Variants in XXYLT1 observed in about 807,000 individuals in gnomAD.
The protein encoded by XXYLT1 is xyloside xylosyltransferase 1.
In XXYLT1, 20 loss-of-function variants were observed where a neutral mutation model predicts 28.9. The observed-to-expected ratio is 0.69, with a 90% CI of 0.49 to 1.00. The LOEUF (loss-of-function observed/expected upper bound fraction) is 1.00. Ranked by LOEUF, XXYLT1 falls within the 50% of genes least tolerant of loss-of-function variation. XXYLT1 has a pLI of 0.00. For synonymous variants in XXYLT1, 257 were observed against 253.8 expected, an observed-to-expected ratio of 1.01 and a Z score of -0.12; for missense variants, 542 against 560.1, an observed-to-expected ratio of 0.97 and a Z score of 0.33.
At chr3:195,234,019 C>G (rs939497722) in intron 1 of XXYLT1, among the ~76,000 whole-genome samples, 1 of 151,936 alleles carries the variant, frequency 6.6e-6, no homozygotes, top group African/African-American at 2.4e-5. Context: ...CAGGTTCATG[C>G]CATTCTCCTG....
In XXYLT1 at chr3:195,217,846, G is replaced by A. The variant is rs1298117283; in HGVS notation, c.652+8863C>T. Among the ~76,000 whole-genome samples, 6 of 143,566 alleles carry A rather than the reference G, an allele frequency of 4.2e-5. No individual in the cohort carries two copies. The East Asian group carries it at 6.2e-4, about 15-fold the overall frequency. 94.2% of individuals were successfully genotyped at this position (143,566 alleles called of 152,430 possible). A position where few individuals can be genotyped will look rare whatever the true frequency, so the allele number is the denominator to read the frequency against. On this transcript the variant is annotated intron_variant, in intron 2 of 3. Coordinates refer to ENST00000310380, the MANE Select transcript of XXYLT1 (RefSeq NM_152531.5). ...TTCATATGGAACCAAAAAAGAGCCC[G>A]CATCGCCAAGTCAATCCTAAGCCAA...
At chr3:195,181,065 C>T (rs979783895) in intron 2 of XXYLT1, among the ~76,000 whole-genome samples, 1 of 152,256 alleles carries the variant, frequency 6.6e-6, no homozygotes, top group Non-Finnish European at 1.5e-5. Flanking sequence ...GGCCCACCTG[C>T]GGCCAGGTGT....
intron 3 of XXYLT1, among the ~76,000 whole-genome samples, chr3:195,146,298 A>G (rs1462302173): frequency 6.6e-6 from 1 of 152,230 alleles, no homozygotes; most frequent in African/African-American, 2.4e-5. Flanking sequence ...TTTCCCCAGG[A>G]AGATGCTTAC....
At chr3:195,073,543 G>T (rs1054427136) in intron 3 of XXYLT1, among the ~76,000 whole-genome samples, 3 of 151,974 alleles carry the variant, frequency 2.0e-5, no homozygotes, top group Admixed American at 6.5e-5. Flanking sequence ...CTAACCGTCC[G>T]GCCTGTGGAG....
chr3:195,158,256 C>A (rs962460345), intron 2 of XXYLT1, among the ~76,000 whole-genome samples: 1 of 152,176 alleles, frequency 6.6e-6, no homozygotes, highest in African/African-American at 2.4e-5. Context: ...TGGCTTCCTG[C>A]TCTGTGCTCC....
Position 195,143,264 on chromosome 3 carries a change from G to A in XXYLT1, c.785+13185C>T, listed in dbSNP as rs544278270. ...CAAGAGCAGCCAACCAAAGCCTTGC[G>A]GGGTGCAGCCCACGGTGGGAGCATT... On this transcript the variant is annotated intron_variant, in intron 3 of 3. Coordinates refer to ENST00000310380, the MANE Select transcript of XXYLT1 (RefSeq NM_152531.5). 1.4e-3 allele frequency among the ~76,000 whole-genome samples: 209 copies of A among 152,272 alleles called. 1 individual carries two copies. The highest frequency in any genetic ancestry group is 2.5e-3 in the Non-Finnish European group (167 of 68,028).
intron 2 of XXYLT1, among the ~76,000 whole-genome samples, chr3:195,182,809 C>T (rs915316032): frequency 3.3e-5 from 5 of 152,146 alleles, no homozygotes; most frequent in South Asian, 2.1e-4. Flanking sequence ...TCCCTATAAA[C>T]GGTAAGGATT....
intron 1 of XXYLT1, among the ~76,000 whole-genome samples, chr3:195,237,633 C>G (rs1057385753): frequency 6.6e-6 from 1 of 151,910 alleles, no homozygotes; most frequent in African/African-American, 2.4e-5. Flanking sequence ...CACCTTGCTC[C>G]ACCTCCAGCC....
chr3:195,243,665 C>T (rs906952139), intron 1 of XXYLT1, among the ~76,000 whole-genome samples: 2 of 152,104 alleles, frequency 1.3e-5, no homozygotes, highest in Admixed American at 6.5e-5. Flanking sequence ...GCCTGTTGCC[C>T]CCACCAATAA....
intron 3 of XXYLT1, 29 bp downstream of exon 3, chr3:195,156,420 G>A: frequency 6.2e-7 from 1 of 1,608,278 alleles, no homozygotes; most frequent in Non-Finnish European, 8.5e-7. Flanking sequence ...AGGGGTCGTG[G>A]AGGCGGCCCC....
chr3:195,071,527 G>A (rs1299056519), intron 3 of XXYLT1, among the ~76,000 whole-genome samples: 1 of 152,206 alleles, frequency 6.6e-6, no homozygotes, highest in Non-Finnish European at 1.5e-5. Flanking sequence ...CATTCTTACA[G>A]GGGAATCCAC....
At chr3:195,248,495 C>T (rs1422393438) in intron 1 of XXYLT1, among the ~76,000 whole-genome samples, 1 of 152,204 alleles carries the variant, frequency 6.6e-6, no homozygotes, top group African/African-American at 2.4e-5. Flanking sequence ...AACACCACCA[C>T]AAAAGACGGG....
intron 2 of XXYLT1, 81 bp downstream of exon 2, chr3:195,226,628 G>C (rs897858183): frequency 3.9e-6 from 6 of 1,529,290 alleles, no homozygotes; most frequent in Non-Finnish European, 5.3e-6. Context: ...CCTGATACAG[G>C]GCCTGGGCAG....
chr3:195,229,655 C>T (rs1041967739), intron 1 of XXYLT1, among the ~76,000 whole-genome samples: 6 of 152,238 alleles, frequency 3.9e-5, no homozygotes, highest in Non-Finnish European at 7.3e-5. Flanking sequence ...TCTTTCTGTG[C>T]CTGGCTTATG....
intron 3 of XXYLT1, among the ~76,000 whole-genome samples, chr3:195,085,349 C>G (rs547367479): frequency 6.6e-6 from 1 of 152,222 alleles, no homozygotes; most frequent in African/African-American, 2.4e-5. Context: ...CTGGCCCTGC[C>G]GCTCCGGCTC....
At chr3:195,073,186 G>C (rs1033874149) in intron 3 of XXYLT1, among the ~76,000 whole-genome samples, 4 of 152,222 alleles carry the variant, frequency 2.6e-5, no homozygotes, top group Admixed American at 6.5e-5. Flanking sequence ...TTCCAAGGAG[G>C]TGCGCTTGGA....
At chr3:195,248,241 A>G (rs1725114079) in intron 1 of XXYLT1, among the ~76,000 whole-genome samples, 2 of 152,156 alleles carry the variant, frequency 1.3e-5, no homozygotes, top group South Asian at 4.1e-4. Flanking sequence ...ACTTCAACAG[A>G]TACTACCTCA....
At chr3:195,213,583 T>G (rs1723428425) in intron 2 of XXYLT1, among the ~76,000 whole-genome samples, 1 of 152,202 alleles carries the variant, frequency 6.6e-6, no homozygotes, top group Admixed American at 6.5e-5. Context: ...TTTCTTAAAG[T>G]GAGTACTGTG....
chr3:195,217,026 G>A (rs1400093618), intron 2 of XXYLT1, among the ~76,000 whole-genome samples: 1 of 135,174 alleles, frequency 7.4e-6, no homozygotes, highest in Non-Finnish European at 1.5e-5. Context: ...ATCAATAAAT[G>A]TAATCCAGCA....
Sources: gnomAD v4.1 joint callset for allele counts (sites outside exome capture counted in the v4.1 genomes callset) on GRCh38, gnomAD v4.1.1 for gene constraint, MANE v1.5 for transcripts, NCBI Gene and HGNC (gene_info 2026-07-23, HGNC 2026-07-21) for gene names.